MYDGF: variants seen among roughly 807,000 people sequenced by gnomAD.
The protein encoded by MYDGF is myeloid-derived growth factor.
A neutral mutation model predicts 24.2 loss-of-function variants in MYDGF; 29 were observed. That is an observed-to-expected ratio of 1.20 (90% CI 0.89 to 1.63). The LOEUF (loss-of-function observed/expected upper bound fraction) is 1.63, where lower values mean the gene tolerates loss of function less well. MYDGF is among the 40% of genes most tolerant of loss of function. MYDGF has a pLI of 0.00. For synonymous variants in MYDGF, 105 were observed against 102.5 expected, an observed-to-expected ratio of 1.02 and a Z score of -0.15; for missense variants, 245 against 234.8, an observed-to-expected ratio of 1.04 and a Z score of -0.29.
intron 3 of MYDGF, among the ~76,000 whole-genome samples, chr19:4,662,440 C>T (rs926437426): frequency 2.0e-5 from 3 of 152,204 alleles, no homozygotes; most frequent in African/African-American, 4.8e-5. Flanking sequence ...GGGGGCCTGA[C>T]GGCTTCCTTC....
intron 1 of MYDGF, among the ~76,000 whole-genome samples, chr19:4,669,487 A>T (rs935510100): frequency 1.3e-5 from 2 of 152,186 alleles, no homozygotes; most frequent in African/African-American, 4.8e-5. Context: ...GTGTGGTGGC[A>T]CACGTCTGTA....
At chr19:4,661,685 T>C (rs1410381751) in intron 3 of MYDGF, among the ~76,000 whole-genome samples, 1 of 150,948 alleles carries the variant, frequency 6.6e-6, no homozygotes, top group Non-Finnish European at 1.5e-5. Flanking sequence ...TGTGCATGGG[T>C]GGGGCGGGGG....
intron 5 of MYDGF, among the ~76,000 whole-genome samples, chr19:4,658,561 G>A (rs2088442412): frequency 6.6e-6 from 1 of 152,110 alleles, no homozygotes; most frequent in Non-Finnish European, 1.5e-5. Flanking sequence ...GGCCCTACCT[G>A]CTGTGTCCAC....
chr19:4,665,285 C>G (rs906710970), intron 2 of MYDGF, among the ~76,000 whole-genome samples: 1 of 152,320 alleles, frequency 6.6e-6, no homozygotes, highest in Admixed American at 6.5e-5. Context: ...TGCAGTGGCA[C>G]GATCTCGCCT....
At chr19:4,667,765 A>T (rs1418543416) in intron 2 of MYDGF, among the ~76,000 whole-genome samples, 1 of 151,258 alleles carries the variant, frequency 6.6e-6, no homozygotes, top group African/African-American at 2.4e-5. Flanking sequence ...TAGCACAATC[A>T]CGGCTCACTA....
intron 2 of MYDGF, among the ~76,000 whole-genome samples, chr19:4,668,234 A>G (rs937614269): frequency 2.6e-5 from 4 of 152,228 alleles, no homozygotes; most frequent in Non-Finnish European, 4.4e-5. Context: ...GAGCTGACCC[A>G]GACTTCTGAC....
At chr19:4,664,531 G>A (rs2088505344) in intron 3 of MYDGF, among the ~76,000 whole-genome samples, 1 of 151,722 alleles carries the variant, frequency 6.6e-6, no homozygotes, top group African/African-American at 2.4e-5. Flanking sequence ...CCTTTGGTGA[G>A]TTCGTCTCAC....
At chr19:4,665,790 C>T (rs1332317270) in intron 2 of MYDGF, among the ~76,000 whole-genome samples, 1 of 130,324 alleles carries the variant, frequency 7.7e-6, no homozygotes, top group Non-Finnish European at 1.6e-5. Flanking sequence ...CACTGCACTC[C>T]AGCCTGGGCG....
At chr19:4,658,156 G>T in intron 5 of MYDGF, 72 bp from the exon 6 acceptor site, 1 of 1,374,850 alleles carries the variant, frequency 7.3e-7, no homozygotes. Context: ...TTTGGGGTGG[G>T]GCCCATGGTG....
chr19:4,668,119 G>C (rs2145189698), intron 2 of MYDGF, among the ~76,000 whole-genome samples: 1 of 152,172 alleles, frequency 6.6e-6, no homozygotes, highest in African/African-American at 2.4e-5. Flanking sequence ...GTAGAGATGA[G>C]GTTTTGCCAT....
At chr19:4,661,870 G>A (rs1469301776) in intron 3 of MYDGF, among the ~76,000 whole-genome samples, 2 of 152,074 alleles carry the variant, frequency 1.3e-5, no homozygotes, top group African/African-American at 2.4e-5. Context: ...CTCAAGGTGA[G>A]CCCAGCCACC....
intron 3 of MYDGF, among the ~76,000 whole-genome samples, chr19:4,661,438 TA>T (rs2088470201): frequency 6.6e-6 from 1 of 152,110 alleles, no homozygotes; most frequent in Admixed American, 6.5e-5. Context: ...GAGAGGCCAG[TA>T]AAGGCTTCTC....
chr19:4,670,305 G>T lies in MYDGF; in HGVS notation c.30C>A (p.Gly10=), dbSNP rs751600499. ...GCGCGGCCCACAAGCTCGCGCCGAC[G>T]CCGTTCCACCCTCCGCTGGGCGCCG... MAAPSGGWN[G]VGASLWAALL... is the part of the protein sequence containing the mutation. The change falls in exon 1 of 6, where the codon GGC becomes GGA. Residue 10 remains glycine, a synonymous_variant. Transcript: ENST00000262947. The T allele has an allele frequency of 4.0e-6, 6 of 1,494,748 alleles. No homozygotes were observed. The highest frequency in any genetic ancestry group is 5.3e-6 in the Non-Finnish European group (6 of 1,121,956). The allele number at this position is 1,494,748 out of a possible 1,614,324, so 92.6% of individuals were successfully genotyped here.
chr19:4,661,264 C>A (rs1180655284), intron 3 of MYDGF, among the ~76,000 whole-genome samples: 1 of 152,162 alleles, frequency 6.6e-6, no homozygotes, highest in Non-Finnish European at 1.5e-5. Context: ...CTGTGCCTGG[C>A]CCCTTTGTGC....
intron 1 of MYDGF, 66 bp from the exon 2 acceptor site, chr19:4,668,711 T>C (rs1306139620): frequency 1.4e-6 from 2 of 1,425,282 alleles, no homozygotes; most frequent in East Asian, 4.6e-5. Context: ...AGAGACGGGG[T>C]CTTGCTGTCA....
chr19:4,670,017 G>T, intron 1 of MYDGF, 144 bp downstream of exon 1: 5 of 947,908 alleles, frequency 5.3e-6, no homozygotes, highest in Non-Finnish European at 7.1e-6. Context: ...CCCCCACTCA[G>T]CCTCCGACCC....
At chr19:4,665,811 ACT>A (rs1378220129) in intron 2 of MYDGF, among the ~76,000 whole-genome samples, 66 of 115,494 alleles carry the variant, frequency 5.7e-4, no homozygotes, top group Admixed American at 3.7e-3. Context: ...ACAGAGCGAG[ACT>A]CTGTCTCAAA....
chr19:4,669,562 G>A (rs371995240), intron 1 of MYDGF, among the ~76,000 whole-genome samples: 23 of 152,282 alleles, frequency 1.5e-4, no homozygotes, highest in African/African-American at 5.5e-4. Context: ...AGGATGCAGT[G>A]AGCCGAGATC....
At position 4,670,315 on chromosome 19, in the gene MYDGF, C is replaced by G. The variant is rs1005715585; in HGVS notation, c.20G>C (p.Gly7Ala). 3 of 1,474,460 alleles carry G rather than the reference C, an allele frequency of 2.0e-6. No individual in the cohort carries two copies. The South Asian group carries it at 4.0e-5, about 19-fold the overall frequency. 91.3% of individuals were successfully genotyped at this position (1,474,460 alleles called of 1,614,324 possible). Residue 7 changes from glycine to alanine, a missense_variant, in exon 1 of 6, where the codon GGG becomes GCG. Transcript: ENST00000262947. MAAPSG[G>A]WNGVGASLWA... is the part of the protein sequence containing the mutation. ...CAAGCTCGCGCCGACGCCGTTCCAC[C>G]CTCCGCTGGGCGCCGCCATGTTGGA...
Sources: gnomAD v4.1 joint callset for allele counts (sites outside exome capture counted in the v4.1 genomes callset) on GRCh38, gnomAD v4.1.1 for gene constraint, MANE v1.5 for transcripts, NCBI Gene and HGNC (gene_info 2026-07-23, HGNC 2026-07-21) for gene names.